The following OVCH1 variants were observed in gnomAD, a reference collection of about 807,000 sequenced individuals.
The protein encoded by OVCH1 is ovochymase 1, also known as ovochymase-1.
A neutral mutation model predicts 138.4 loss-of-function variants in OVCH1; 139 were observed. The observed-to-expected ratio is 1.00, with a 90% CI of 0.87 to 1.16. OVCH1 has a LOEUF of 1.16. Ranked by LOEUF, OVCH1 falls within the 50% of genes most tolerant of loss-of-function variation. OVCH1 has a pLI of 0.00. For missense variants in OVCH1, 1,367 were observed against 1,357.9 expected (o/e 1.01, Z -0.11); for synonymous variants, 453 against 467.8 (o/e 0.97, Z 0.41).
At chr12:29,402,992 A>G in the OVCH1 span, among the ~76,000 whole-genome samples, 3 of 152,226 alleles carry the variant, frequency 2.0e-5, no homozygotes, top group African/African-American at 4.8e-5. Context: ...ACCAGTTTCA[A>G]TGAAGCCTCA....
chr12:29,475,244 C>A (rs1942664481), intron 13 of OVCH1, 55 bp from the exon 14 acceptor site: 2 of 1,317,450 alleles, frequency 1.5e-6, no homozygotes, highest in Non-Finnish European at 2.0e-6. Flanking sequence ...AAAATCAGAA[C>A]ACACAGTAAA....
intron 3 of OVCH1, among the ~76,000 whole-genome samples, chr12:29,415,315 G>T (rs942433183): frequency 1.3e-5 from 2 of 152,162 alleles, no homozygotes; most frequent in Non-Finnish European, 2.9e-5. Flanking sequence ...ACAGAATCAT[G>T]CAGGCATACA....
intron 16 of OVCH1, among the ~76,000 whole-genome samples, chr12:29,465,965 G>A (rs891089285): frequency 6.6e-6 from 1 of 151,850 alleles, no homozygotes; most frequent in Non-Finnish European, 1.5e-5. Flanking sequence ...GATGAAGCTG[G>A]AAACCAACAT....
intron 11 of OVCH1, 48 bp downstream of exon 11, chr12:29,477,292 AC>A (rs756185587): frequency 1.2e-6 from 2 of 1,613,300 alleles, no homozygotes; most frequent in African/African-American, 2.7e-5. Flanking sequence ...CCTCTTCCCC[AC>A]CCACATCAAG....
At chr12:29,442,885 A>C (rs1045170368) in intron 25 of OVCH1, among the ~76,000 whole-genome samples, 10 of 152,040 alleles carry the variant, frequency 6.6e-5, no homozygotes, top group South Asian at 6.2e-4. Context: ...TCTAGTATTT[A>C]TCAACTTGTA....
intron 1 of OVCH1, among the ~76,000 whole-genome samples, chr12:29,497,136 G>C (rs1262146387): frequency 6.6e-6 from 1 of 152,150 alleles, no homozygotes; most frequent in African/African-American, 2.4e-5. Flanking sequence ...AAGTGTGGTG[G>C]TACGTGCCTA....
chr12:29,422,232 T>C (rs1941114854), intron 3 of OVCH1, among the ~76,000 whole-genome samples: 1 of 152,194 alleles, frequency 6.6e-6, no homozygotes, highest in Non-Finnish European at 1.5e-5. Flanking sequence ...GAAATATTTT[T>C]ACTGTGAGAA....
chr12:29,413,357 C>G (rs1940985555), intron 3 of OVCH1, among the ~76,000 whole-genome samples: 1 of 152,134 alleles, frequency 6.6e-6, no homozygotes, highest in African/African-American at 2.4e-5. Flanking sequence ...AAAAATACAT[C>G]TGCCCTTTTT....
At chr12:29,460,116 T>G (rs745622049) in intron 19 of OVCH1, among the ~76,000 whole-genome samples, 31 of 152,172 alleles carry the variant, frequency 2.0e-4, no homozygotes, top group Admixed American at 1.6e-3. Context: ...GTACATTTGG[T>G]CATGCTGCAG....
Position 29,461,769 on chromosome 12 carries a change from T to G in OVCH1, c.2280+85A>C, listed in dbSNP as rs1290400428. 1.9e-6 allele frequency: 3 copies of G among 1,540,488 alleles called. No individual in the cohort carries two copies. In the South Asian group the frequency reaches 3.4e-5, roughly 17 times the overall value. On this transcript the variant is annotated intron_variant, in intron 19 of 27. Coordinates refer to ENST00000318184, the Ensembl canonical transcript of OVCH1. The stretch of plus-strand genomic sequence containing the variant: ...TTGAAGCACGTGACAAGTTGGTGAT[T>G]TCAGCAATGGTTTCTCCTGTCTATA...
exon 21 of OVCH1, chr12:29,454,860 T>C (rs2135952122): frequency 2.5e-6 from 4 of 1,611,078 alleles, no homozygotes; most frequent in Admixed American, 1.7e-5. Flanking sequence ...ATGCACTGTC[T>C]GGTGAAGGTG....
chr12:29,490,992 A>T (rs900169653), intron 5 of OVCH1, 105 bp downstream of exon 5: 7 of 885,502 alleles, frequency 7.9e-6, no homozygotes, highest in African/African-American at 1.7e-5. Context: ...GAAATTAGTT[A>T]TAAAAAATGA....
At chr12:29,436,914 G>T (rs372531285) in intron 26 of OVCH1, among the ~76,000 whole-genome samples, 1 of 152,270 alleles carries the variant, frequency 6.6e-6, no homozygotes, top group African/African-American at 2.4e-5. Context: ...GCATGGAAAG[G>T]GACCCAAGCG....
chr12:29,405,021 CAAAAAAAAAAAAAAAA>C, the OVCH1 span, among the ~76,000 whole-genome samples: 1 of 80,440 alleles, frequency 1.2e-5, no homozygotes, highest in Non-Finnish European at 2.1e-5. Context: ...CACTCCACCT[CAAAAAAAAAAAAAAAA>C]AAAAAAAAAA....
downstream of OVCH1, among the ~76,000 whole-genome samples, chr12:29,409,451 A>G (rs1038117893): frequency 2.6e-5 from 4 of 151,896 alleles, no homozygotes; most frequent in African/African-American, 4.8e-5. Flanking sequence ...ATTTAGTGCT[A>G]TAAATTTCCC....
intron 12 of OVCH1, among the ~76,000 whole-genome samples, chr12:29,476,755 G>GCGCGCGCGCACACA (rs1264497944): frequency 5.8e-5 from 6 of 103,342 alleles, no homozygotes; most frequent in African/African-American, 2.3e-4. Flanking sequence ...ACACACGCGC[G>GCGCGCGCGCACACA]CACACACACA....
chr12:29,441,524 C>A (rs904649076), intron 25 of OVCH1, among the ~76,000 whole-genome samples: 4 of 152,160 alleles, frequency 2.6e-5, no homozygotes, highest in Admixed American at 1.3e-4. Context: ...AACCCTAGAA[C>A]AAAACCTAGG....
intron 5 of OVCH1, 60 bp from the exon 6 acceptor site, chr12:29,489,831 A>G (rs1402500536): frequency 2.0e-6 from 3 of 1,519,126 alleles, no homozygotes; most frequent in East Asian, 4.6e-5. Flanking sequence ...AATTAATGGG[A>G]AGTCTACAAG....
exon 23 of OVCH1, chr12:29,445,333 G>A: frequency 6.2e-7 from 1 of 1,611,638 alleles, no homozygotes; most frequent in African/African-American, 1.3e-5. Context: ...CAAGGGCATG[G>A]AATGTCACCC....
Sources: allele counts gnomAD v4.1 joint callset (sites outside exome capture counted in the v4.1 genomes callset), GRCh38; gene constraint gnomAD v4.1.1; transcripts MANE v1.5; gene names NCBI Gene and HGNC (gene_info 2026-07-23, HGNC 2026-07-21).